The following LIMCH1 variants were observed in gnomAD, a reference collection of about 807,000 sequenced individuals.
LIMCH1 encodes the protein LIM and calponin homology domains-containing protein 1.
Under a neutral mutation model 176.5 loss-of-function variants are expected in LIMCH1, and 113 were observed. The ratio of observed to expected loss-of-function variants is 0.64; its 90% CI spans 0.55 to 0.75. The LOEUF is 0.75. LIMCH1 is among the 30% of genes least tolerant of loss of function. The pLI is 0.00. For synonymous variants in LIMCH1, 619 were observed against 645.9 expected (o/e 0.96, Z 0.63); for missense variants, 1,674 against 1,814.9 (o/e 0.92, Z 1.41).
chr4:41,571,048 G>T (rs1186952506), intron 1 of LIMCH1, among the ~76,000 whole-genome samples: 1 of 152,144 alleles, frequency 6.6e-6, no homozygotes, highest in African/African-American at 2.4e-5. Flanking sequence ...GGTGAGAATT[G>T]AAGTCAGATT....
At chr4:41,644,413 GC>G in intron 14 of LIMCH1, 86 bp from the exon 15 acceptor site, 2 of 1,390,286 alleles carry the variant, frequency 1.4e-6, no homozygotes, top group South Asian at 1.6e-5. Flanking sequence ...GCCCGGTAGC[GC>G]CCCCACGCGG....
chr4:41,366,578 G>A (rs2053019965), intron 1 of LIMCH1, among the ~76,000 whole-genome samples: 1 of 152,052 alleles, frequency 6.6e-6, no homozygotes, highest in African/African-American at 2.4e-5. Context: ...AGGAAAGGAA[G>A]GGATAATAGA....
At chr4:41,632,916 G>T in intron 11 of LIMCH1, 49 bp downstream of exon 11, 3 of 1,527,910 alleles carry the variant, frequency 2.0e-6, no homozygotes, top group Non-Finnish European at 2.6e-6. Flanking sequence ...GAGGACAGGT[G>T]GGGTCAGAGC....
intron 24 of LIMCH1, 82 bp downstream of exon 24, chr4:41,680,180 C>T (rs1225922212): frequency 1.2e-5 from 11 of 910,708 alleles, no homozygotes; most frequent in South Asian, 7.4e-5. Flanking sequence ...CTGTGGCATG[C>T]GGATGCATGT....
intron 1 of LIMCH1, among the ~76,000 whole-genome samples, chr4:41,399,434 A>G (rs1394969341): frequency 1.3e-5 from 2 of 152,198 alleles, no homozygotes; most frequent in Non-Finnish European, 2.9e-5. Context: ...CCTTTCAGTT[A>G]AAATAAGTGA....
chr4:41,595,207 A>T (rs2088508431), intron 1 of LIMCH1, among the ~76,000 whole-genome samples: 1 of 152,190 alleles, frequency 6.6e-6, no homozygotes, highest in South Asian at 2.1e-4. Context: ...GTAAGTTAAG[A>T]GGGTGCATAT....
At chr4:41,561,248 C>A (rs572954293) in intron 1 of LIMCH1, among the ~76,000 whole-genome samples, 2 of 152,192 alleles carry the variant, frequency 1.3e-5, no homozygotes, top group Non-Finnish European at 2.9e-5. Flanking sequence ...TCCTTTCTCT[C>A]CAGTTTAGAA....
chr4:41,500,381 T>G (rs2073049415), intron 2 of LIMCH1, among the ~76,000 whole-genome samples: 1 of 152,230 alleles, frequency 6.6e-6, no homozygotes, highest in African/African-American at 2.4e-5. Context: ...TTCTCCCTCC[T>G]CTTTTTGAGT....
At chr4:41,600,169 T>TAA (rs1041603679) in intron 2 of LIMCH1, among the ~76,000 whole-genome samples, 1 of 152,216 alleles carries the variant, frequency 6.6e-6, no homozygotes, top group African/African-American at 2.4e-5. Flanking sequence ...TGCCATTCTT[T>TAA]AAAACTTCTC....
intron 2 of LIMCH1, among the ~76,000 whole-genome samples, chr4:41,517,547 T>A (rs949612854): frequency 1.3e-5 from 2 of 152,208 alleles, no homozygotes; most frequent in Non-Finnish European, 2.9e-5. Context: ...ATTTCACACA[T>A]TCTGAACCGT....
intron 1 of LIMCH1, among the ~76,000 whole-genome samples, chr4:41,438,449 A>G (rs1323909573): frequency 6.7e-6 from 1 of 149,572 alleles, no homozygotes; most frequent in Non-Finnish European, 1.5e-5. Context: ...TGCAGCCTCC[A>G]TTTCCCAGGT....
At chr4:41,612,451 TA>T (rs2091544766) in intron 4 of LIMCH1, 1 of 683,404 alleles carries the variant, frequency 1.5e-6, no homozygotes, top group African/African-American at 1.8e-5. Flanking sequence ...CTGCCAGTGT[TA>T]TCCACAGTCC....
chr4:41,522,961 T>C (rs1169244740), intron 2 of LIMCH1, among the ~76,000 whole-genome samples: 1 of 152,138 alleles, frequency 6.6e-6, no homozygotes, highest in Non-Finnish European at 1.5e-5. Flanking sequence ...AAACAGCACT[T>C]GTGCACTCTG....
intron 1 of LIMCH1, among the ~76,000 whole-genome samples, chr4:41,370,498 C>T (rs1254452858): frequency 6.6e-6 from 1 of 151,958 alleles, no homozygotes; most frequent in Non-Finnish European, 1.5e-5. Flanking sequence ...AAATAGCATC[C>T]CCTCTTCTTT....
At chr4:41,663,017 C>G (rs2094682284) in intron 20 of LIMCH1, 33 bp downstream of exon 20, 2 of 1,598,116 alleles carry the variant, frequency 1.3e-6, no homozygotes, top group East Asian at 4.5e-5. Context: ...GCGGTTAAAC[C>G]CACAAGTTAA....
At chr4:41,480,637 G>T (rs1476362226) in intron 1 of LIMCH1, among the ~76,000 whole-genome samples, 6 of 152,098 alleles carry the variant, frequency 3.9e-5, no homozygotes, top group Non-Finnish European at 7.4e-5. Flanking sequence ...GTTTATTCAA[G>T]CAGCAACATG....
At chr4:41,647,400 A>C (rs1160370743) in intron 17 of LIMCH1, among the ~76,000 whole-genome samples, 2 of 152,260 alleles carry the variant, frequency 1.3e-5, no homozygotes, top group African/African-American at 4.8e-5. Flanking sequence ...CAAGGAACAC[A>C]TGGGAACATG....
chr4:41,519,954 C>T (rs1172835219), intron 2 of LIMCH1, among the ~76,000 whole-genome samples: 1 of 152,160 alleles, frequency 6.6e-6, no homozygotes, highest in Non-Finnish European at 1.5e-5. Flanking sequence ...TTCACTGCCT[C>T]TTCCTCTTCA....
intron 9 of LIMCH1, 83 bp from the exon 10 acceptor site, chr4:41,631,065 G>GTTTT: frequency 9.9e-7 from 1 of 1,006,644 alleles, no homozygotes; most frequent in African/African-American, 1.8e-5. Flanking sequence ...ACTACTTCTA[G>GTTTT]TTTTTTTTTT....
Sources: gnomAD v4.1 joint callset for allele counts (sites outside exome capture counted in the v4.1 genomes callset) on GRCh38, gnomAD v4.1.1 for gene constraint, MANE v1.5 for transcripts, NCBI Gene and HGNC (gene_info 2026-07-23, HGNC 2026-07-21) for gene names.